HAUS5: variants seen among roughly 807,000 people sequenced by gnomAD.
HAUS5 encodes the protein HAUS augmin like complex subunit 5.
Under a neutral mutation model 94.1 loss-of-function variants are expected in HAUS5, and 67 were observed. That is an observed-to-expected ratio of 0.71 (90% CI 0.58 to 0.87). HAUS5 has a LOEUF of 0.87. Among genes scored for constraint, HAUS5 ranks in the 40% least tolerant of loss-of-function variants. The pLI, the probability that HAUS5 is intolerant of heterozygous loss-of-function variation, is 0.00. For missense variants in HAUS5, 739 were observed against 825.6 expected (o/e 0.90, Z 1.29); for synonymous variants, 339 against 355.4 (o/e 0.95, Z 0.52).
At chr19:35,619,591 C>CCCCCCCCCCCCCA in intron 14 of HAUS5, 22 bp from the exon 15 acceptor site, 1 of 1,534,540 alleles carries the variant, frequency 6.5e-7, no homozygotes, top group Non-Finnish European at 8.9e-7. Flanking sequence ...GATGCCCCAC[C>CCCCCCCCCCCCCA]CACCCCTCCC....
chr19:35,616,018 A>G (rs2071939542), intron 6 of HAUS5, among the ~76,000 whole-genome samples: 1 of 152,120 alleles, frequency 6.6e-6, no homozygotes, highest in African/African-American at 2.4e-5. Context: ...TTGGCCACTT[A>G]AAATTGGGTG....
rs188665510 is a variant in HAUS5 at position 35,614,190 on chromosome 19, A to T, written c.219+131A>T. The T allele has an allele frequency of 1.9e-5, 15 of 810,436 alleles. No homozygotes were observed. In the Admixed American group the frequency reaches 2.6e-4, roughly 14 times the overall value. 50.2% of individuals were successfully genotyped at this position (810,436 alleles called of 1,614,324 possible). ...CAAGACAGCCTTGATCTCCATCCTC[A>T]TAGGGCTTAAAGTCCAGTGGAAACA... On this transcript the variant is annotated intron_variant, in intron 4 of 18. Transcript: ENST00000203166.
rs1481825452 is a variant in HAUS5, at chr19:35,619,780, C to A, written c.1406+22C>A. 3.9e-6 allele frequency: 6 copies of A among 1,523,634 alleles called. No homozygotes were observed. In the African/African-American group the frequency reaches 8.3e-5, roughly 21 times the overall value. 94.4% of individuals were successfully genotyped at this position (1,523,634 alleles called of 1,614,324 possible). ...GAGAGTGAGACTGGGGCTGCCCCACCCCTGCCCTGCATCCCCTGCCATGGG... is the reference window on the plus strand; with the variant it reads ...GAGAGTGAGACTGGGGCTGCCCCACACCTGCCCTGCATCCCCTGCCATGGG... On this transcript the variant is annotated intron_variant, in intron 15 of 18. Coordinates refer to ENST00000203166, the MANE Select transcript of HAUS5 (RefSeq NM_015302.2).
intron 1 of HAUS5, 22 bp from the exon 2 acceptor site, chr19:35,613,708 T>C (rs918826232): frequency 1.2e-6 from 2 of 1,611,624 alleles, no homozygotes. Context: ...CCCAGGCATA[T>C]GCTTACACAC....
Position 35,622,612 on chromosome 19 carries a change from A to T in HAUS5, c.1663A>T (p.Ile555Phe). ...TTTCTCACCCTCAGAGCTGCTGCAG[A>T]TCCAGGCATCCCAGGAAAAACAGCA... ...PGLPTQELLQIQASQEKQQKE... is the reference protein window; with the variant it reads ...PGLPTQELLQFQASQEKQQKE... The change falls in exon 18 of 19, where the codon ATC (isoleucine) becomes TTC (phenylalanine). Residue 555 changes from isoleucine to phenylalanine, a missense_variant. By Grantham distance (21) the Ile-to-Phe change is conservative. Coordinates refer to ENST00000203166, the MANE Select transcript of HAUS5 (RefSeq NM_015302.2). 6.2e-7 allele frequency: 1 copy of T among 1,613,852 alleles called. No individual in the cohort carries two copies. Among genetic ancestry groups the T allele is most frequent in the Non-Finnish European group, 8.5e-7 (1 of 1,179,966 alleles).
At chr19:35,619,169 G>T (rs1967161243) in intron 13 of HAUS5, 120 bp downstream of exon 13, 2 of 1,080,166 alleles carry the variant, frequency 1.9e-6, no homozygotes, top group Non-Finnish European at 2.6e-6. Context: ...ACTTTGGGAG[G>T]CTGAGGTGGG....
chr19:35,624,735 A>G lies in HAUS5; in HGVS notation c.*1742A>G, dbSNP rs1967278701. 1 of 152,142 alleles carries G rather than the reference A, an allele frequency of 6.6e-6. No individual in the cohort carries two copies. Among genetic ancestry groups the G allele is most frequent in the Non-Finnish European group, 1.5e-5 (1 of 68,032 alleles). 9.4% of individuals were successfully genotyped at this position (152,142 alleles called of 1,614,324 possible). On this transcript the variant is annotated 3_prime_UTR_variant, in exon 19 of 19. Coordinates refer to ENST00000203166, the MANE Select transcript of HAUS5 (RefSeq NM_015302.2). ...TCCCAAATCTTCACCTGCTGGGATTAGTTTCCCCTGTCTCAGTAAATTTTT... is the reference window on the plus strand; with the variant it reads ...TCCCAAATCTTCACCTGCTGGGATTGGTTTCCCCTGTCTCAGTAAATTTTT...
In HAUS5 at chr19:35,619,602, C is replaced by G; in HGVS notation, c.1261-11C>G. ...TTGTGATGCCCCACCCACCCCTCCC[C>G]TTCCCCACAGGTGCTAGCTCTGGTC... On this transcript the variant is annotated splice_polypyrimidine_tract_variant and intron_variant, in intron 14 of 18. Coordinates refer to ENST00000203166, the MANE Select transcript of HAUS5 (RefSeq NM_015302.2). 1 of 1,536,884 alleles carries G rather than the reference C, an allele frequency of 6.5e-7. No homozygotes were observed.
Position 35,619,736 on chromosome 19 carries a change from C to A in HAUS5, c.1384C>A (p.Leu462Met). The change falls in exon 15 of 19, where the codon CTG becomes ATG. Residue 462 changes from leucine to methionine, a missense_variant. Physicochemically the swap from Leu to Met is conservative, Grantham distance 15. Transcript: ENST00000203166. The stretch of plus-strand genomic sequence containing the variant: ...TTTGCCCCACATTCTGTTGGGCACG[C>A]TGCTGCGGCACAGGCCGGGAGAGTG... ...RHLPHILLGT[L>M]LRHRPGELKP... 6.4e-7 allele frequency: 1 copy of A among 1,561,340 alleles called. No individual in the cohort carries two copies.
chr19:35,618,373 C>G, intron 10 of HAUS5, 29 bp from the exon 11 acceptor site: 1 of 1,610,932 alleles, frequency 6.2e-7, no homozygotes, highest in Non-Finnish European at 8.5e-7. Context: ...CGCAGCACGG[C>G]TCCCTCAGCA....
At chr19:35,618,522 C>T (rs375441244) in intron 11 of HAUS5, 47 bp from the exon 12 acceptor site, 15 of 1,613,364 alleles carry the variant, frequency 9.3e-6, no homozygotes, top group Middle Eastern at 1.6e-4. Flanking sequence ...TCCCCTCACC[C>T]ATGGATCATG....
chr19:35,614,606 G>C (rs879504951), intron 4 of HAUS5, among the ~76,000 whole-genome samples: 9 of 151,998 alleles, frequency 5.9e-5, no homozygotes, highest in Non-Finnish European at 1.0e-4. Flanking sequence ...AATAAATAAA[G>C]AGCATTAATT....
At chr19:35,613,835 A>G in intron 2 of HAUS5, 33 bp from the exon 3 acceptor site, 2 of 1,614,064 alleles carry the variant, frequency 1.2e-6, no homozygotes. Flanking sequence ...GGTGAGGCCC[A>G]TAGTAACTCC....
intron 17 of HAUS5, among the ~76,000 whole-genome samples, chr19:35,620,912 T>G (rs538458066): frequency 6.6e-6 from 1 of 152,314 alleles, no homozygotes; most frequent in East Asian, 1.9e-4. Context: ...CTTGGAGTCA[T>G]GACGATGAGG....
rs750116374 is a variant in HAUS5 at position 35,623,008 on chromosome 19, C to T, written c.*15C>T. ...TGTGCAGCTGAAGAGAGGGTTCAAA[C>T]GGAAGCCGAGAACTTGACACTGTTC... is the stretch of plus-strand genomic sequence containing the variant. On this transcript the variant is annotated 3_prime_UTR_variant, in exon 19 of 19. Coordinates refer to ENST00000203166, the MANE Select transcript of HAUS5 (RefSeq NM_015302.2). 2.5e-5 allele frequency: 38 copies of T among 1,543,056 alleles called. No homozygotes were observed. The highest frequency in any genetic ancestry group is 3.5e-5 in the Admixed American group (2 of 57,810).
intron 17 of HAUS5, 100 bp downstream of exon 17, chr19:35,620,427 C>T (rs1401171394): frequency 7.5e-6 from 8 of 1,072,612 alleles, no homozygotes; most frequent in East Asian, 5.1e-5. Flanking sequence ...ACGCAGTGCC[C>T]ATTGTGTGCT....
chr19:35,620,157 G>A, intron 16 of HAUS5, 34 bp downstream of exon 16: 1 of 1,611,344 alleles, frequency 6.2e-7, no homozygotes, highest in Non-Finnish European at 8.5e-7. Flanking sequence ...TGTCTCCCCA[G>A]CCCCGCCCCA....
At position 35,620,124 on chromosome 19, in the gene HAUS5, G is replaced by A; in HGVS notation, c.1518+1G>A. 1.9e-6 allele frequency: 3 copies of A among 1,613,630 alleles called. No individual in the cohort carries two copies. The highest frequency in any genetic ancestry group is 2.2e-5 in the East Asian group (1 of 44,850). On this transcript the variant is annotated splice_donor_variant, in intron 16 of 18. Transcript: ENST00000203166. LOFTEE classifies it high-confidence loss of function. The stretch of plus-strand genomic sequence containing the variant: ...CAAGCTGGGGCTGCCTCCAGGGAAG[G>A]TGAGTGCCCGTCTCCTGTGACTTGT...
rs117306358 is a variant in HAUS5 at position 35,622,228 on chromosome 19, G to T, written c.1652-373G>T. ...AGATCACTGTGGTGTAGTGCGGAGG[G>T]TGAACCAGAGCAGGAGACTGAGGCC... On this transcript the variant is annotated intron_variant, in intron 17 of 18. Coordinates refer to ENST00000203166, the MANE Select transcript of HAUS5 (RefSeq NM_015302.2). Among the ~76,000 whole-genome samples the T allele has an allele frequency of 5.2e-4, 79 of 152,152 alleles. No individual in the cohort carries two copies. The Middle Eastern group carries it at 0.02, about 39-fold the overall frequency.
Sources: allele counts gnomAD v4.1 joint callset (sites outside exome capture counted in the v4.1 genomes callset), GRCh38; gene constraint gnomAD v4.1.1; transcripts MANE v1.5; gene names NCBI Gene and HGNC (gene_info 2026-07-23, HGNC 2026-07-21).